Variants in FAHD1 observed in about 807,000 individuals in gnomAD.
FAHD1 encodes FAH domain containing oxaloacetate decarboxylase 1.
A neutral mutation model predicts 12.7 loss-of-function variants in FAHD1; 14 were observed. The ratio of observed to expected loss-of-function variants is 1.10; its 90% CI spans 0.73 to 1.72. The LOEUF (loss-of-function observed/expected upper bound fraction) is 1.72, where lower values mean the gene tolerates loss of function less well. Among genes scored for constraint, FAHD1 ranks in the 40% most tolerant of loss-of-function variants. FAHD1 has a pLI of 0.00. For missense variants in FAHD1, 351 were observed against 298.9 expected (o/e 1.17, Z -1.29); for synonymous variants, 153 against 124.9 (o/e 1.22, Z -1.50).
exon 3 of FAHD1, chr16:1,840,184 A>C (rs901000521): frequency 6.6e-6 from 1 of 152,218 alleles, no homozygotes; most frequent in Non-Finnish European, 1.5e-5. Context: ...CTCAGATATC[A>C]ATAATAAATG....
downstream of FAHD1, among the ~76,000 whole-genome samples, chr16:1,832,885 A>G (rs1049077620): frequency 6.6e-6 from 1 of 152,132 alleles, no homozygotes; most frequent in Non-Finnish European, 1.5e-5. Context: ...TCATTACCTT[A>G]TCACCACAAT....
At chr16:1,830,381 G>C (rs900300894), downstream of FAHD1, among the ~76,000 whole-genome samples, 4 of 152,214 alleles carry the variant, frequency 2.6e-5, no homozygotes, top group African/African-American at 9.6e-5. Context: ...GGAAGAGTTG[G>C]ATCAAAGGGC....
chr16:1,828,928 T>C (rs984235977), downstream of FAHD1: 3 of 997,226 alleles, frequency 3.0e-6, no homozygotes, highest in Admixed American at 6.2e-5. Context: ...ACAAGGGTAA[T>C]TTTTTTCCCC....
rs753965151 is a variant in FAHD1, at chr16:1,827,390, C to T, written c.152C>T (p.Pro51Leu). 3.1e-6 allele frequency: 5 copies of T among 1,611,912 alleles called. No homozygotes were observed. In the East Asian group the frequency reaches 1.1e-4, roughly 36 times the overall value. ...CTGAAGCCGTCCACGGCCTACGCGC[C>T]CGAGGGCTCGCCCATCCTCATGCCC... The change falls in exon 1 of 1, where the codon CCC becomes CTC. Residue 51 changes from proline to leucine, a missense_variant. Pro to Leu is a moderately conservative substitution (Grantham distance 98). Transcript: ENST00000427358.
At chr16:1,839,507 A>G in exon 3 of FAHD1, 1 of 1,404,572 alleles carries the variant, frequency 7.1e-7, no homozygotes. Context: ...TAGCAGAAAA[A>G]GAATTGTCAC....
intron 1 of FAHD1, chr16:1,834,173 C>T (rs1898676329): frequency 1.4e-6 from 1 of 734,222 alleles, no homozygotes; most frequent in African/African-American, 1.8e-5. Flanking sequence ...ATGCAATTTT[C>T]CCCATAATTT....
downstream of FAHD1, chr16:1,829,026 T>C: frequency 1.7e-6 from 1 of 583,322 alleles, no homozygotes; most frequent in Non-Finnish European, 2.2e-6. Flanking sequence ...TGTGCTGTGT[T>C]AACACAGTTA....
At chr16:1,830,053 G>A (rs1898594062), downstream of FAHD1, among the ~76,000 whole-genome samples, 1 of 152,156 alleles carries the variant, frequency 6.6e-6, no homozygotes, top group Non-Finnish European at 1.5e-5. Flanking sequence ...AGTAGAGACA[G>A]GGTTTCACCA....
At chr16:1,828,828 G>T in exon 1 of FAHD1, 1 of 998,506 alleles carries the variant, frequency 1.0e-6, no homozygotes, top group South Asian at 4.7e-5. Flanking sequence ...GTTTACTTAG[G>T]GTATCTACCC....
chr16:1,840,093 C>G (rs905486150), exon 3 of FAHD1: 7 of 152,254 alleles, frequency 4.6e-5, no homozygotes, highest in Non-Finnish European at 8.8e-5. Context: ...TCAAATTTCT[C>G]AAATAGGGGA....
downstream of FAHD1, among the ~76,000 whole-genome samples, chr16:1,829,224 A>G (rs1898580168): frequency 6.6e-6 from 1 of 152,184 alleles, no homozygotes; most frequent in Non-Finnish European, 1.5e-5. Flanking sequence ...CGTTCACATC[A>G]TCTGCTGGCC....
rs917966479 is a variant in FAHD1 at position 1,828,061 on chromosome 16, C to T, written c.*157C>T. ...CTTTGGGAGGCCGAGGCGGGCGGCT[C>T]ACGACGTCAGGAGATCCAGACCATC... On this transcript the variant is annotated 3_prime_UTR_variant, in exon 1 of 1. Transcript: ENST00000427358. 3.1e-5 allele frequency: 42 copies of T among 1,351,152 alleles called. No homozygotes were observed. In the East Asian group the frequency reaches 8.5e-4, roughly 27 times the overall value. The allele number at this position is 1,351,152 out of a possible 1,614,324, so 83.7% of individuals were successfully genotyped here.
At chr16:1,840,185 A>G (rs1898864305) in exon 3 of FAHD1, 1 of 152,230 alleles carries the variant, frequency 6.6e-6, no homozygotes, top group Non-Finnish European at 1.5e-5. Flanking sequence ...TCAGATATCA[A>G]TAATAAATGT....
chr16:1,839,491 C>G (rs1285172625), exon 3 of FAHD1: 3 of 1,467,420 alleles, frequency 2.0e-6, no homozygotes, highest in Non-Finnish European at 2.8e-6. Flanking sequence ...CTACAAATTT[C>G]ATCTGTAGCA....
intron 1 of FAHD1, chr16:1,837,974 A>G (rs1385130999): frequency 1.4e-6 from 2 of 1,443,020 alleles, no homozygotes; most frequent in Non-Finnish European, 1.8e-6. Context: ...ATGAAATTTT[A>G]TTTGCAGTAA....
exon 1 of FAHD1, chr16:1,828,274 CAAAAAAAAA>C (rs71145497): frequency 1.2e-5 from 10 of 801,784 alleles, no homozygotes; most frequent in African/African-American, 2.4e-5. Flanking sequence ...GACTCCGTCT[CAAAAAAAAA>C]AAAAAAAAAA....
At chr16:1,827,479 G>T in exon 1 of FAHD1, 1 of 1,611,728 alleles carries the variant, frequency 6.2e-7, no homozygotes, top group Non-Finnish European at 8.5e-7. Flanking sequence ...GCGCTGCCGC[G>T]CAGTCCCCGA....
chr16:1,839,420 A>G (rs143531383), exon 3 of FAHD1: 13 of 1,612,038 alleles, frequency 8.1e-6, no homozygotes, highest in South Asian at 2.2e-5. Context: ...CTTCATTTAC[A>G]ATATAACCAC....
intron 1 of FAHD1, chr16:1,834,455 G>T: frequency 1.5e-6 from 1 of 671,682 alleles, no homozygotes. Context: ...CACGAATAGA[G>T]AACTGCAATG....
Sources: allele counts gnomAD v4.1 joint callset (sites outside exome capture counted in the v4.1 genomes callset), GRCh38; gene constraint gnomAD v4.1.1; transcripts MANE v1.5; gene names NCBI Gene and HGNC (gene_info 2026-07-23, HGNC 2026-07-21).